Variants in ATP6V0D1 observed in about 807,000 individuals in gnomAD.
ATP6V0D1 encodes V-type proton ATPase subunit d 1.
A neutral mutation model predicts 39.0 loss-of-function variants in ATP6V0D1; 13 were observed. The ratio of observed to expected loss-of-function variants is 0.33; its 90% confidence interval spans 0.22 to 0.53. The LOEUF (loss-of-function observed/expected upper bound fraction) is 0.53, where lower values mean the gene tolerates loss of function less well. Among genes scored for constraint, ATP6V0D1 ranks in the 20% least tolerant of loss-of-function variants. The pLI, the probability that ATP6V0D1 is intolerant of heterozygous loss-of-function variation, is 0.94. For missense variants in ATP6V0D1, 272 were observed against 470.9 expected (o/e 0.58, Z 3.91); for synonymous variants, 191 against 191.2 (o/e 1.00, Z 0.01).
intron 1 of ATP6V0D1, among the ~76,000 whole-genome samples, chr16:67,470,941 T>C (rs892118233): frequency 1.3e-4 from 20 of 152,206 alleles, no homozygotes; most frequent in African/African-American, 4.6e-4. Flanking sequence ...CTCATTCCAC[T>C]CCAGCCCTGG....
At chr16:67,445,038 G>A (rs1388101726) in intron 2 of ATP6V0D1, among the ~76,000 whole-genome samples, 2 of 152,348 alleles carry the variant, frequency 1.3e-5, no homozygotes, top group Admixed American at 6.5e-5. Flanking sequence ...GGGCACAGGA[G>A]GTGAGACATG....
In ATP6V0D1 at chr16:67,444,626, T is replaced by C. The variant is rs1249662219; in HGVS notation, c.383A>G (p.Lys128Arg). 1 of 1,613,596 alleles carries C rather than the reference T, an allele frequency of 6.2e-7. No homozygotes were observed. Among genetic ancestry groups the C allele is most frequent in the Non-Finnish European group, 8.5e-7 (1 of 1,179,704 alleles). Reference sequence around the variant, plus strand: ...CTCGAAGCTGCCTAGTGGGTGGCACTTGGGCACGAGCTCAGCGATGGAGCG... The same window carrying C: ...CTCGAAGCTGCCTAGTGGGTGGCACCTGGGCACGAGCTCAGCGATGGAGCG... ...HQRSIAELVP[K>R]CHPLGSFEQM... Residue 128 changes from lysine (K) to arginine (R), a missense_variant, in exon 3 of 8, where the codon AAG becomes AGG. This residue lies in a region of ATP6V0D1 where 135 missense variants were observed against 273.8 expected (regional missense o/e 0.49). Coordinates refer to ENST00000290949, the MANE Select transcript of ATP6V0D1 (RefSeq NM_004691.5). This position sits in a 1 kb window ranked among gnomAD's most constrained non-coding sequence, Gnocchi z 4.8.
chr16:67,471,230 A>G (rs1482652228), intron 1 of ATP6V0D1, among the ~76,000 whole-genome samples: 1 of 152,212 alleles, frequency 6.6e-6, no homozygotes, highest in Non-Finnish European at 1.5e-5. Flanking sequence ...TCTGTTGCCC[A>G]GACTGGAGTA....
intron 2 of ATP6V0D1, chr16:67,452,221 G>A (rs537029892): frequency 1.3e-6 from 2 of 1,534,144 alleles, no homozygotes; most frequent in African/African-American, 2.7e-5. Context: ...TGCCCCAGTA[G>A]GTCCATGTTG....
intron 1 of ATP6V0D1, among the ~76,000 whole-genome samples, chr16:67,462,061 G>T (rs958020857): frequency 6.6e-6 from 1 of 152,194 alleles, no homozygotes; most frequent in Non-Finnish European, 1.5e-5. Flanking sequence ...AAAGGGAGGG[G>T]CAGAACTGGT....
chr16:67,458,981 C>A, intron 1 of ATP6V0D1: 2 of 896,776 alleles, frequency 2.2e-6, no homozygotes, highest in Non-Finnish European at 2.7e-6. Flanking sequence ...AGAATGAAGT[C>A]CTCCAAATTG....
chr16:67,465,437 G>A (rs1371791723), intron 1 of ATP6V0D1, among the ~76,000 whole-genome samples: 1 of 152,216 alleles, frequency 6.6e-6, no homozygotes, highest in Non-Finnish European at 1.5e-5. Context: ...TCCCTCTCCT[G>A]GAGAGGCCAG....
intron 1 of ATP6V0D1, among the ~76,000 whole-genome samples, chr16:67,468,537 G>A (rs1252873568): frequency 6.7e-6 from 1 of 150,306 alleles, no homozygotes; most frequent in Admixed American, 6.6e-5. Context: ...GCGGTGAGTT[G>A]TGTTTGGGTC....
rs775941945 is a variant in ATP6V0D1, at chr16:67,438,617, C to G, written c.967G>C (p.Glu323Gln). 1 of 1,614,256 alleles carries G rather than the reference C, an allele frequency of 6.2e-7. No individual in the cohort carries two copies. The highest frequency in any genetic ancestry group is 1.1e-5 in the South Asian group (1 of 91,088). Residue 323 changes from glutamate to glutamine, a missense_variant, in exon 8 of 8, where the codon GAG becomes CAG. This residue lies in a region of ATP6V0D1 where 35 missense variants were observed against 84.6 expected (regional missense o/e 0.41). Transcript: ENST00000290949. ...CACACGATGTTGCGACACTCCTGCTCCTTGAGCTTCACGAAGGCATAGAAG... is the reference window on the plus strand; with the variant it reads ...CACACGATGTTGCGACACTCCTGCTGCTTGAGCTTCACGAAGGCATAGAAG... Reference protein sequence around the residue: ...GVFYAFVKLKEQECRNIVWIA... With the variant: ...GVFYAFVKLKQQECRNIVWIA...
chr16:67,452,210 C>T lies in ATP6V0D1; in HGVS notation c.302+1334G>A, dbSNP rs948348283. On this transcript the variant is annotated intron_variant, in intron 2 of 7. Transcript: ENST00000290949. The stretch of plus-strand genomic sequence containing the variant: ...CAAGAGACACCCCATTACCAGCCTC[C>T]TGCCCCAGTAGGTCCATGTTGGCAT... The T allele has an allele frequency of 4.6e-6, 7 of 1,533,014 alleles. No homozygotes were observed. In the African/African-American group the frequency reaches 9.6e-5, roughly 21 times the overall value. 95.0% of individuals were successfully genotyped at this position (1,533,014 alleles called of 1,614,324 possible).
At position 67,452,560 on chromosome 16, in the gene ATP6V0D1, T is replaced by C. The variant is rs1045859384; in HGVS notation, c.302+984A>G. ...TCAAGGAATGGTAAAAGTTAGACAA[T>C]ACCCAGAGAGCTCAGGGAAATGCTT... On this transcript the variant is annotated intron_variant, in intron 2 of 7. Transcript: ENST00000290949. 12 of 698,656 alleles carry C rather than the reference T, an allele frequency of 1.7e-5. 1 individual carries two copies. The Middle Eastern group carries it at 1.0e-3, about 58-fold the overall frequency. 43.3% of individuals were successfully genotyped at this position (698,656 alleles called of 1,614,324 possible).
At chr16:67,480,560 G>C (rs2041461213) in intron 1 of ATP6V0D1, among the ~76,000 whole-genome samples, 1 of 152,108 alleles carries the variant, frequency 6.6e-6, no homozygotes, top group African/African-American at 2.4e-5. Flanking sequence ...GGAGGGGGAA[G>C]AGGTGGGGGA....
At chr16:67,459,202 G>A (rs550552217) in intron 1 of ATP6V0D1, 9 of 985,554 alleles carry the variant, frequency 9.1e-6, no homozygotes, top group Admixed American at 1.2e-4. Flanking sequence ...CTGCCGGAGA[G>A]AGAAGCCCTT....
At position 67,447,668 on chromosome 16, in the gene ATP6V0D1, C is replaced by G. The variant is rs1250826385; in HGVS notation, c.303-2962G>C. 2.0e-5 allele frequency among the ~76,000 whole-genome samples: 3 copies of G among 152,232 alleles called. No homozygotes were observed. The highest frequency in any genetic ancestry group is 4.4e-5 in the Non-Finnish European group (3 of 68,044). On this transcript the variant is annotated intron_variant, in intron 2 of 7. Transcript: ENST00000290949. This position sits in a 1 kb window ranked among gnomAD's most constrained non-coding sequence, Gnocchi z 4.1. ...CCCAGAGGCCCTCCCTTGCCCTGTG[C>G]CTTCAAAACTCAGCTTGGGCCCACA...
intron 2 of ATP6V0D1, among the ~76,000 whole-genome samples, chr16:67,451,262 G>A (rs768249521): frequency 5.3e-5 from 8 of 152,212 alleles, no homozygotes; most frequent in Non-Finnish European, 1.2e-4. Flanking sequence ...GCTGCCAGCC[G>A]GGTGGGACCA....
In ATP6V0D1 at chr16:67,481,149, A is replaced by T; in HGVS notation, c.-63T>A. The T allele has an allele frequency of 6.2e-7, 1 of 1,603,066 alleles. No homozygotes were observed. The highest frequency in any genetic ancestry group is 8.5e-7 in the Non-Finnish European group (1 of 1,172,786). On this transcript the variant is annotated 5_prime_UTR_variant, in exon 1 of 8. Coordinates refer to ENST00000290949, the MANE Select transcript of ATP6V0D1 (RefSeq NM_004691.5). ...CGGCCGGCACGAATCGCGACTCCCC[A>T]GGTCAGCTGACGCTGCGTCCTCAGC...
chr16:67,446,605 T>C (rs2041118745), intron 2 of ATP6V0D1, among the ~76,000 whole-genome samples: 1 of 152,068 alleles, frequency 6.6e-6, no homozygotes, highest in Admixed American at 6.6e-5. Flanking sequence ...GCCTGCATAT[T>C]TTCTACCCCG....
chr16:67,465,444 C>T (rs2041321534), intron 1 of ATP6V0D1, among the ~76,000 whole-genome samples: 1 of 152,320 alleles, frequency 6.6e-6, no homozygotes, highest in African/African-American at 2.4e-5. Context: ...CCTGGAGAGG[C>T]CAGGGTGGCA....
At chr16:67,446,658 A>C (rs1248396325) in intron 2 of ATP6V0D1, among the ~76,000 whole-genome samples, 1 of 151,802 alleles carries the variant, frequency 6.6e-6, no homozygotes, top group African/African-American at 2.4e-5. Flanking sequence ...CCAACATCTC[A>C]CATACCCCAG....
Sources: allele counts gnomAD v4.1 joint callset (sites outside exome capture counted in the v4.1 genomes callset), GRCh38; gene constraint gnomAD v4.1.1; regional missense constraint gnomAD v4.1.1; non-coding constraint Gnocchi (gnomAD v3.1); transcripts MANE v1.5; gene names NCBI Gene and HGNC (gene_info 2026-07-23, HGNC 2026-07-21).